The following KCTD16 variants were observed in gnomAD, a reference collection of about 807,000 sequenced individuals.
KCTD16 encodes the protein BTB/POZ domain-containing protein KCTD16.
In KCTD16, 13 loss-of-function variants were observed where a neutral mutation model predicts 33.2. That is an observed-to-expected ratio of 0.39 (90% confidence interval 0.25 to 0.62). KCTD16 has a LOEUF of 0.62. KCTD16 is among the 20% of genes least tolerant of loss of function. KCTD16 has a pLI of 0.50. For synonymous variants in KCTD16, 197 were observed against 195.3 expected (o/e 1.01, Z -0.07); for missense variants, 441 against 525.1 (o/e 0.84, Z 1.57).
intron 3 of KCTD16, among the ~76,000 whole-genome samples, chr5:144,233,365 A>G (rs914463436): frequency 2.6e-5 from 4 of 152,132 alleles, no homozygotes; most frequent in African/African-American, 9.7e-5. Context: ...TCTGAAATCT[A>G]TACTGTGAGG....
At chr5:144,363,696 C>T (rs896041285) in intron 3 of KCTD16, among the ~76,000 whole-genome samples, 4 of 152,098 alleles carry the variant, frequency 2.6e-5, no homozygotes, top group African/African-American at 4.8e-5. Context: ...GAAATTGGTG[C>T]TAAATCGCCT....
Position 144,266,268 on chromosome 5 carries a change from TG to T in KCTD16, c.832+58727del, listed in dbSNP as rs568512284. Among the ~76,000 whole-genome samples, 130 of 152,244 alleles carry T rather than the reference TG, an allele frequency of 8.5e-4. 1 individual carries two copies. Among genetic ancestry groups the T allele is most frequent in the African/African-American group, 3.1e-3 (128 of 41,552 alleles). On this transcript the variant is annotated intron_variant, in intron 3 of 3. Transcript: ENST00000512467. ...GCCTAACTTTTCTCAATCTGGCACCTGGGGGAAATAAAAAACTGAGAGAGAC... is the reference window on the plus strand; with the variant it reads ...GCCTAACTTTTCTCAATCTGGCACCTGGGGAAATAAAAAACTGAGAGAGAC...
chr5:144,438,466 G>A (rs1753628763), intron 3 of KCTD16, among the ~76,000 whole-genome samples: 1 of 152,186 alleles, frequency 6.6e-6, no homozygotes, highest in Non-Finnish European at 1.5e-5. Flanking sequence ...TCTGCTGTGT[G>A]GGTATCACTC....
At chr5:144,231,537 A>T (rs1754102581) in intron 3 of KCTD16, among the ~76,000 whole-genome samples, 1 of 152,164 alleles carries the variant, frequency 6.6e-6, no homozygotes, top group Non-Finnish European at 1.5e-5. Flanking sequence ...GTGATACTAC[A>T]TACCATATGT....
chr5:144,450,659 C>A (rs1377634310), intron 3 of KCTD16, among the ~76,000 whole-genome samples: 3 of 151,956 alleles, frequency 2.0e-5, no homozygotes, highest in Admixed American at 2.0e-4. Flanking sequence ...GATAGATGAA[C>A]CCGGAATACA....
At position 144,482,449 on chromosome 5, in the gene KCTD16, C is replaced by T. The variant is rs1754722347; in HGVS notation, c.*8335C>T. 1 of 151,872 alleles carries T rather than the reference C, an allele frequency of 6.6e-6. No homozygotes were observed. Among genetic ancestry groups the T allele is most frequent in the Non-Finnish European group, 1.5e-5 (1 of 67,916 alleles). 9.4% of individuals were successfully genotyped at this position (151,872 alleles called of 1,614,324 possible). A position where few individuals can be genotyped will look rare whatever the true frequency, so the allele number is the denominator to read the frequency against. Reference sequence around the variant, plus strand: ...GCTGCACACAGGTCACTAGGGCAAGCTTCAGGAGAAGTAAAATAGGTGTAT... The same window carrying T: ...GCTGCACACAGGTCACTAGGGCAAGTTTCAGGAGAAGTAAAATAGGTGTAT... On this transcript the variant is annotated 3_prime_UTR_variant, in exon 4 of 4. Transcript: ENST00000512467.
At chr5:144,292,120 C>G (rs948201834) in intron 3 of KCTD16, among the ~76,000 whole-genome samples, 1 of 152,170 alleles carries the variant, frequency 6.6e-6, no homozygotes, top group South Asian at 2.1e-4. Context: ...GGGCTCTTCA[C>G]CAGATTGCTG....
chr5:144,328,660 C>A (rs1752273225), intron 3 of KCTD16, among the ~76,000 whole-genome samples: 1 of 152,058 alleles, frequency 6.6e-6, no homozygotes, highest in Non-Finnish European at 1.5e-5. Flanking sequence ...TCTAGACTCT[C>A]TAGCCTGAAC....
rs1194312071 is a variant in KCTD16 at position 144,476,301 on chromosome 5, C to T, written c.*2187C>T. The T allele has an allele frequency of 6.6e-6, 1 of 152,124 alleles. No individual in the cohort carries two copies. Among genetic ancestry groups the T allele is most frequent in the African/African-American group, 2.4e-5 (1 of 41,436 alleles). The allele number at this position is 152,124 out of a possible 1,614,324, so 9.4% of individuals were successfully genotyped here. A position where few individuals can be genotyped will look rare whatever the true frequency, so the allele number is the denominator to read the frequency against. On this transcript the variant is annotated 3_prime_UTR_variant, in exon 4 of 4. Transcript: ENST00000512467. The stretch of plus-strand genomic sequence containing the variant: ...ACTAAAATGGCCAAAGTTCCAACTT[C>T]CTTAAATTTCAGACCTGACTGTAAT...
At chr5:144,358,766 A>G (rs1442643441) in intron 3 of KCTD16, among the ~76,000 whole-genome samples, 1 of 152,172 alleles carries the variant, frequency 6.6e-6, no homozygotes, top group Non-Finnish European at 1.5e-5. Flanking sequence ...GGTTCATAGA[A>G]GGCTGTCTTC....
At chr5:144,437,581 C>T (rs1293939215) in intron 3 of KCTD16, among the ~76,000 whole-genome samples, 1 of 151,944 alleles carries the variant, frequency 6.6e-6, no homozygotes, top group Non-Finnish European at 1.5e-5. Context: ...TATTGATTTC[C>T]CCAGATAGGA....
intron 3 of KCTD16, among the ~76,000 whole-genome samples, chr5:144,456,206 C>CG (rs1339412212): frequency 1.3e-5 from 2 of 150,656 alleles, no homozygotes; most frequent in Admixed American, 6.6e-5. Context: ...CCTCACAAAC[C>CG]CCCCCCAACA....
chr5:144,226,016 C>T (rs1753920480), intron 3 of KCTD16, among the ~76,000 whole-genome samples: 1 of 152,174 alleles, frequency 6.6e-6, no homozygotes, highest in African/African-American at 2.4e-5. Context: ...GATGAAAATC[C>T]TAAAACCCTA....
intron 3 of KCTD16, among the ~76,000 whole-genome samples, chr5:144,353,130 G>C (rs907764379): frequency 6.6e-6 from 1 of 152,178 alleles, no homozygotes; most frequent in African/African-American, 2.4e-5. Flanking sequence ...TGGAAATAGT[G>C]TTGTTCCCAA....
intron 3 of KCTD16, among the ~76,000 whole-genome samples, chr5:144,283,188 C>T (rs1438625846): frequency 1.3e-5 from 2 of 152,148 alleles, no homozygotes; most frequent in Admixed American, 6.5e-5. Context: ...CCTAATGCTA[C>T]TAATTACATC....
chr5:144,386,442 A>G (rs2042972), intron 3 of KCTD16, among the ~76,000 whole-genome samples: 4,666 of 152,308 alleles, frequency 0.031, 117 homozygotes, highest in African/African-American at 0.059. Flanking sequence ...TGACCACTCT[A>G]TGGGTAGTAC....
intron 3 of KCTD16, among the ~76,000 whole-genome samples, chr5:144,270,630 T>TAG (rs747953779): frequency 2.9e-5 from 4 of 138,938 alleles, no homozygotes; most frequent in Non-Finnish European, 6.3e-5. Flanking sequence ...GTAAAAGAAC[T>TAG]AAAAAAAAAA....
chr5:144,311,966 A>G (rs1348813628), intron 3 of KCTD16, among the ~76,000 whole-genome samples: 1 of 152,082 alleles, frequency 6.6e-6, no homozygotes, highest in Non-Finnish European at 1.5e-5. Flanking sequence ...TCTATTACTA[A>G]GTGTTTTAAA....
At chr5:144,195,325 A>C (rs913382807) in intron 2 of KCTD16, among the ~76,000 whole-genome samples, 6 of 152,166 alleles carry the variant, frequency 3.9e-5, no homozygotes, top group African/African-American at 1.4e-4. Flanking sequence ...CAAAATCTCA[A>C]AGGATTTCTA....
Sources: gnomAD v4.1 joint callset for allele counts (sites outside exome capture counted in the v4.1 genomes callset) on GRCh38, gnomAD v4.1.1 for gene constraint, MANE v1.5 for transcripts, NCBI Gene and HGNC (gene_info 2026-07-23, HGNC 2026-07-21) for gene names.